The following DHRS12 variants were observed in gnomAD, a reference collection of about 807,000 sequenced individuals.
The protein encoded by DHRS12 is dehydrogenase/reductase 12.
DHRS12 carries 29 observed loss-of-function variants against 32.1 expected under a neutral mutation model. The ratio of observed to expected loss-of-function variants is 0.90; its 90% confidence interval spans 0.67 to 1.23. The LOEUF (loss-of-function observed/expected upper bound fraction) is 1.23. Among genes scored for constraint, DHRS12 ranks in the 50% most tolerant of loss-of-function variants. The probability of loss-of-function intolerance (pLI) is 0.00; values close to 1 mark genes in which losing one functional copy is unlikely to be tolerated. For synonymous variants in DHRS12, 150 were observed against 135.9 expected (o/e 1.10, Z -0.72); for missense variants, 330 against 337.2 (o/e 0.98, Z 0.17).
At chr13:51,799,762 CT>C in intron 1 of DHRS12, 95 bp from the exon 2 acceptor site, 2 of 1,426,832 alleles carry the variant, frequency 1.4e-6, no homozygotes, top group Non-Finnish European at 1.9e-6. Context: ...GGCATTATTG[CT>C]GTCTCCGCCT....
intron 7 of DHRS12, among the ~76,000 whole-genome samples, chr13:51,769,626 G>A (rs1477786881): frequency 6.6e-6 from 1 of 152,164 alleles, no homozygotes; most frequent in Non-Finnish European, 1.5e-5. Flanking sequence ...AATGAGCTGT[G>A]GGGCTCACAG....
chr13:51,756,392 A>G, the DHRS12 span: 3 of 1,614,100 alleles, frequency 1.9e-6, no homozygotes, highest in East Asian at 6.7e-5. Flanking sequence ...GCGCTCCTCC[A>G]TCCCCCTGAT....
At chr13:51,756,258 A>G in the DHRS12 span, 1 of 1,543,150 alleles carries the variant, frequency 6.5e-7, no homozygotes, top group Non-Finnish European at 8.7e-7. Context: ...CCTCTCTGCC[A>G]GGAGGGGTGA....
chr13:51,765,502 A>G (rs969917319), downstream of DHRS12: 3 of 152,228 alleles, frequency 2.0e-5, no homozygotes, highest in Admixed American at 1.3e-4. Flanking sequence ...GGGAGATTAA[A>G]GGCTTGAGGG....
Position 51,770,860 on chromosome 13 carries a change from C to G in DHRS12, c.559+961G>C, listed in dbSNP as rs187547020. On this transcript the variant is annotated intron_variant, in intron 7 of 8. Coordinates refer to ENST00000444610, the MANE Select transcript of DHRS12 (RefSeq NM_001377533.1). ...GCATGATTGGCAGCAGAGTCTTCAG[C>G]CCTGAACAGATTTTGCACAGGTGTT... The G allele has an allele frequency of 6.9e-5, 77 of 1,109,226 alleles. No individual in the cohort carries two copies. In the African/African-American group the frequency reaches 1.2e-3, roughly 17 times the overall value. 68.7% of individuals were successfully genotyped at this position (1,109,226 alleles called of 1,614,324 possible). A position where few individuals can be genotyped will look rare whatever the true frequency, so the allele number is the denominator to read the frequency against.
intron 4 of DHRS12, among the ~76,000 whole-genome samples, chr13:51,787,128 G>C (rs7331639): frequency 2.0e-4 from 30 of 152,224 alleles, no homozygotes; most frequent in African/African-American, 6.7e-4. Context: ...ATCAAAGCCC[G>C]AGAATTATTA....
At chr13:51,778,136 T>G (rs537258185) in intron 4 of DHRS12, among the ~76,000 whole-genome samples, 14 of 152,228 alleles carry the variant, frequency 9.2e-5, no homozygotes, top group Non-Finnish European at 5.9e-5. Flanking sequence ...CTCTGAACCC[T>G]GGCTCTGGCA....
Position 51,769,265 on chromosome 13 carries a change from G to T in DHRS12, c.588C>A (p.His196Gln). 1 of 1,584,918 alleles carries T rather than the reference G, an allele frequency of 6.3e-7. No individual in the cohort carries two copies. The highest frequency in any genetic ancestry group is 1.1e-5 in the South Asian group (1 of 87,366). The part of the protein sequence containing the change: ...PGVRQAMPGF[H>Q]ARFGDRLRSE... ...AGCGCAGGCGGTCCCCGAACCTGGC[G>T]TGGAACCCCGGCATCGCCTGCCTCA... Residue 196 changes from histidine to glutamine, a missense_variant, in exon 8 of 9, where the codon CAC (histidine) becomes CAA (glutamine). By Grantham distance (24) the His-to-Gln change is conservative. Coordinates refer to ENST00000444610, the MANE Select transcript of DHRS12 (RefSeq NM_001377533.1).
At chr13:51,794,418 C>T (rs1006797550) in intron 2 of DHRS12, among the ~76,000 whole-genome samples, 2 of 152,234 alleles carry the variant, frequency 1.3e-5, no homozygotes, top group African/African-American at 4.8e-5. Flanking sequence ...AGAAATGAGG[C>T]GGTATTTCAT....
the DHRS12 span, chr13:51,762,895 G>A: frequency 6.6e-5 from 10 of 152,184 alleles, no homozygotes; most frequent in South Asian, 8.3e-4. Context: ...TCCTCCAAAC[G>A]AATGACATTA....
At position 51,768,254 on chromosome 13, in the gene DHRS12, G is replaced by A. The variant is rs1354688279; in HGVS notation, c.740C>T (p.Ser247Phe). 1 of 1,536,116 alleles carries A rather than the reference G, an allele frequency of 6.5e-7. No individual in the cohort carries two copies. Among genetic ancestry groups the A allele is most frequent in the Non-Finnish European group, 8.7e-7 (1 of 1,146,918 alleles). The change falls in exon 9 of 9, where the codon TCC becomes TTC. Residue 247 changes from serine to phenylalanine, a missense_variant. Coordinates refer to ENST00000444610, the MANE Select transcript of DHRS12 (RefSeq NM_001377533.1). ...TTTCTCCTCTTCGGCCGGTGAGGAG[G>A]ACGCTGTAGCGAGAGGCAAGTGTGT... ...VSTHLPLATASSSPAEEEKLI... is the reference protein window; with the variant it reads ...VSTHLPLATAFSSPAEEEKLI...
intron 1 of DHRS12, among the ~76,000 whole-genome samples, chr13:51,800,889 C>T (rs1014052162): frequency 2.6e-5 from 4 of 152,198 alleles, no homozygotes; most frequent in African/African-American, 9.7e-5. Flanking sequence ...AACACCCTAC[C>T]CATTGCTTCT....
At position 51,790,062 on chromosome 13, in the gene DHRS12, T is replaced by G. The variant is rs746045912; in HGVS notation, c.250A>C (p.Arg84=). ...TCAAGTCCATCTTCTGTGAGCTCTC[T>G]TTTATTGACCATGCAACCTGCATTA... ...INNAGCMVNK[R]ELTEDGLEKN... Residue 84 remains arginine, a synonymous_variant, in exon 4 of 9, where the codon AGA becomes CGA. Coordinates refer to ENST00000444610, the MANE Select transcript of DHRS12 (RefSeq NM_001377533.1). 2.5e-6 allele frequency: 4 copies of G among 1,603,122 alleles called. No homozygotes were observed. The Admixed American group carries it at 6.9e-5, about 28-fold the overall frequency.
Position 51,777,047 on chromosome 13 carries a change from A to G in DHRS12, c.363+13T>C, listed in dbSNP as rs1318627145. 3.7e-6 allele frequency: 6 copies of G among 1,613,902 alleles called. No individual in the cohort carries two copies. The highest frequency in any genetic ancestry group is 5.1e-6 in the Non-Finnish European group (6 of 1,180,002). On this transcript the variant is annotated intron_variant, in intron 5 of 8. Transcript: ENST00000444610. The stretch of plus-strand genomic sequence containing the variant: ...GTCCATTATCCTCAAAACATCCCAT[A>G]AGGTCAACTCACCACTCGGGGGTCG...
rs530743946 is a variant in DHRS12, at chr13:51,768,500, G to A, written c.698-204C>T. On this transcript the variant is annotated intron_variant, in intron 8 of 8. Coordinates refer to ENST00000444610, the MANE Select transcript of DHRS12 (RefSeq NM_001377533.1). Reference sequence around the variant, plus strand: ...TAAAGTGCAGTTTGGGAACTGGGAGGCTGCAGCCAGGGCTGGACGGGAGAC... The same window carrying A: ...TAAAGTGCAGTTTGGGAACTGGGAGACTGCAGCCAGGGCTGGACGGGAGAC... 5.6e-6 allele frequency: 8 copies of A among 1,418,602 alleles called. No homozygotes were observed. The South Asian group carries it at 1.2e-4, about 22-fold the overall frequency. The allele number at this position is 1,418,602 out of a possible 1,614,324, so 87.9% of individuals were successfully genotyped here. A position where few individuals can be genotyped will look rare whatever the true frequency, so the allele number is the denominator to read the frequency against.
chr13:51,797,987 C>T (rs761200781), intron 2 of DHRS12: 4 of 1,375,342 alleles, frequency 2.9e-6, no homozygotes, highest in Non-Finnish European at 4.0e-6. Context: ...AAAATGAAGA[C>T]ATATGGGCTC....
At chr13:51,767,929 A>ATTCTT, downstream of DHRS12, 7 of 1,236,926 alleles carry the variant, frequency 5.7e-6, no homozygotes, top group Non-Finnish European at 7.2e-6. Context: ...CAAACTTCGA[A>ATTCTT]TTCTTTAGAA....
rs186980635 is a variant in DHRS12, at chr13:51,803,236, G to A, written c.-9+818C>T. On this transcript the variant is annotated intron_variant, in intron 1 of 8. Transcript: ENST00000444610. ...GGAACTGATAAAGCCCCAGTGCAGG[G>A]AGAAGCCTCTCAGAGGTGAGAATCA... Among the ~76,000 whole-genome samples the A allele has an allele frequency of 3.9e-5, 6 of 152,300 alleles. No individual in the cohort carries two copies. The East Asian group carries it at 1.2e-3, about 29-fold the overall frequency.
chr13:51,777,261 T>G (rs961440481), intron 4 of DHRS12, 140 bp from the exon 5 acceptor site: 1 of 801,058 alleles, frequency 1.2e-6, no homozygotes, highest in South Asian at 1.5e-5. Flanking sequence ...CAGTCCCTCC[T>G]TCCGAGGATC....
Sources: allele counts gnomAD v4.1 joint callset (sites outside exome capture counted in the v4.1 genomes callset), GRCh38; gene constraint gnomAD v4.1.1; transcripts MANE v1.5; gene names NCBI Gene and HGNC (gene_info 2026-07-23, HGNC 2026-07-21).